The following LRRC46 variants were observed in gnomAD, a reference collection of about 807,000 sequenced individuals.
LRRC46 encodes leucine rich repeat containing 46.
A neutral mutation model predicts 28.0 loss-of-function variants in LRRC46; 20 were observed. That is an observed-to-expected ratio of 0.71 (90% CI 0.50 to 1.04). The LOEUF (loss-of-function observed/expected upper bound fraction) is 1.04. LRRC46 is among the 50% of genes least tolerant of loss of function. The pLI is 0.00. For synonymous variants in LRRC46, 156 were observed against 158.8 expected (o/e 0.98, Z 0.13); for missense variants, 315 against 390.1 (o/e 0.81, Z 1.62).
chr17:47,836,638 T>TA lies in LRRC46; in HGVS notation c.596-112_596-111insA. 1 of 1,504,710 alleles carries TA rather than the reference T, an allele frequency of 6.6e-7. No individual in the cohort carries two copies. The highest frequency in any genetic ancestry group is 8.9e-7 in the Non-Finnish European group (1 of 1,121,802). 93.2% of individuals were successfully genotyped at this position (1,504,710 alleles called of 1,614,324 possible). On this transcript the variant is annotated intron_variant, in intron 7 of 7. Transcript: ENST00000269025. This position sits in a 1 kb window ranked among gnomAD's most constrained non-coding sequence, Gnocchi z 5.8. ...TCAGTCCTGGGCCCCAGCCTCAGGC[T>TA]CCTTCCCACAAGGGACAAGGGGCCA... is the stretch of plus-strand genomic sequence containing the variant.
Position 47,831,795 on chromosome 17 carries a change from C to G in LRRC46, c.-195C>G. 1.4e-6 allele frequency: 1 copy of G among 709,014 alleles called. No individual in the cohort carries two copies. The highest frequency in any genetic ancestry group is 2.4e-6 in the Non-Finnish European group (1 of 419,336). The allele number at this position is 709,014 out of a possible 1,614,324, so 43.9% of individuals were successfully genotyped here. On this transcript the variant is annotated 5_prime_UTR_variant, in exon 1 of 8. Transcript: ENST00000269025. ...CCCTCCACACCCCTCAAACTCCAGA[C>G]CCTTCACATCAATTTACTGTTTTCT...
intron 3 of LRRC46, chr17:47,834,896 T>TTTG (rs2033676494): frequency 4.4e-6 from 1 of 227,312 alleles, no homozygotes; most frequent in South Asian, 7.9e-5. Flanking sequence ...TTGAAGGCTG[T>TTTG]TTGGTGGTGG....
At chr17:47,833,472 G>A (rs1598043594) in intron 2 of LRRC46, among the ~76,000 whole-genome samples, 2 of 143,520 alleles carry the variant, frequency 1.4e-5, no homozygotes, top group Admixed American at 1.4e-4. Flanking sequence ...TTTTTGAGAC[G>A]GAGTCTCACT....
chr17:47,832,283 T>G, intron 2 of LRRC46, 78 bp downstream of exon 2: 1 of 1,027,436 alleles, frequency 9.7e-7, no homozygotes, highest in Non-Finnish European at 1.4e-6. Flanking sequence ...TGTACTGATT[T>G]GTCAACTGAT....
Position 47,836,568 on chromosome 17 carries a change from AG to A in LRRC46, c.595+97del. The A allele has an allele frequency of 1.9e-6, 3 of 1,541,314 alleles. No individual in the cohort carries two copies. The Admixed American group carries it at 5.8e-5, about 30-fold the overall frequency. The stretch of plus-strand genomic sequence containing the variant: ...GCTAAGGTGGCAGTGGCGTCCGGGG[AG>A]GGGAGCCCCAAGTTCAGATCAACAT... On this transcript the variant is annotated intron_variant, in intron 7 of 7. Coordinates refer to ENST00000269025, the MANE Select transcript of LRRC46 (RefSeq NM_033413.4). This position sits in a 1 kb window ranked among gnomAD's most constrained non-coding sequence, Gnocchi z 5.8.
In LRRC46 at chr17:47,836,553, C is replaced by T; in HGVS notation, c.595+78C>T. ...TGGGACATGAGGGAAGCTAAGGTGG[C>T]AGTGGCGTCCGGGGAGGGGAGCCCC... On this transcript the variant is annotated intron_variant, in intron 7 of 7. Transcript: ENST00000269025. The surrounding 1 kb of genome is among the most constrained non-coding windows in gnomAD (Gnocchi z 5.8). 1 of 1,565,148 alleles carries T rather than the reference C, an allele frequency of 6.4e-7. No homozygotes were observed. The highest frequency in any genetic ancestry group is 1.9e-4 in the Middle Eastern group (1 of 5,224).
At position 47,835,699 on chromosome 17, in the gene LRRC46, G is replaced by A; in HGVS notation, c.306G>A (p.Gln102=). ...FLSLAGNQIR[Q]VENLLDLPCL... is the part of the protein sequence containing the mutation. The stretch of plus-strand genomic sequence containing the variant: ...CTCTGGCAGGAAACCAAATCAGGCA[G>A]GTGGAAAACCTCCTCGACCTCCCAT... The change falls in exon 5 of 8, where the codon CAG becomes CAA. Residue 102 remains glutamine (Q), a synonymous_variant. Coordinates refer to ENST00000269025, the MANE Select transcript of LRRC46 (RefSeq NM_033413.4). 1 of 1,614,204 alleles carries A rather than the reference G, an allele frequency of 6.2e-7. No individual in the cohort carries two copies. Among genetic ancestry groups the A allele is most frequent in the South Asian group, 1.1e-5 (1 of 91,086 alleles).
Position 47,831,938 on chromosome 17 carries a change from C to T in LRRC46, c.-52C>T. On this transcript the variant is annotated 5_prime_UTR_variant, in exon 1 of 8. Coordinates refer to ENST00000269025, the MANE Select transcript of LRRC46 (RefSeq NM_033413.4). ...TGCCATCCTTAGGGGCCGCCAAGAC[C>T]TCTCTTTTCGTTCCTCTCCCGCCTC... is the stretch of plus-strand genomic sequence containing the variant. The T allele has an allele frequency of 6.2e-7, 1 of 1,612,238 alleles. No individual in the cohort carries two copies. Among genetic ancestry groups the T allele is most frequent in the African/African-American group, 1.3e-5 (1 of 74,936 alleles).
At chr17:47,834,669 G>C in intron 3 of LRRC46, 136 bp downstream of exon 3, 1 of 604,590 alleles carries the variant, frequency 1.7e-6, no homozygotes, top group South Asian at 2.1e-5. Context: ...ACCATTCCCA[G>C]ACGAATGACA....
chr17:47,834,371 T>A, intron 2 of LRRC46, 54 bp from the exon 3 acceptor site: 2 of 1,325,458 alleles, frequency 1.5e-6, no homozygotes, highest in Non-Finnish European at 2.1e-6. Context: ...TCCTCCCTGC[T>A]AAGAGACCAC....
At chr17:47,835,228 G>A (rs1388588279) in intron 3 of LRRC46, 125 bp from the exon 4 acceptor site, 3 of 963,176 alleles carry the variant, frequency 3.1e-6, no homozygotes, top group Non-Finnish European at 5.1e-6. Context: ...GGAGTGGGGT[G>A]ATCATTCCCA....
At chr17:47,834,338 C>T in intron 2 of LRRC46, 87 bp from the exon 3 acceptor site, 1 of 986,488 alleles carries the variant, frequency 1.0e-6, no homozygotes, top group Admixed American at 2.3e-5. Flanking sequence ...CTCCTTGAAA[C>T]CCCTTCCCTC....
At chr17:47,835,585 C>G (rs2033684251) in intron 4 of LRRC46, 81 bp from the exon 5 acceptor site, 1 of 1,470,610 alleles carries the variant, frequency 6.8e-7, no homozygotes, top group Admixed American at 1.7e-5. Flanking sequence ...GCCCAGGGGC[C>G]CCGGTGTCAG....
rs1361718698 is a variant in LRRC46 at position 47,836,757 on chromosome 17, C to G, written c.603C>G (p.Leu201=). The change falls in exon 8 of 8, where the codon CTC becomes CTG. Residue 201 remains leucine, a synonymous_variant. Coordinates refer to ENST00000269025, the MANE Select transcript of LRRC46 (RefSeq NM_033413.4). The surrounding 1 kb of genome is among the most constrained non-coding windows in gnomAD (Gnocchi z 5.8). ...ACCCCCGGCCCCTCCCAGGCTTCCT[C>G]AAGGAGCTGGAGCAGGAGCTGAGCA... is the stretch of plus-strand genomic sequence containing the variant. The part of the protein sequence containing the change: ...SGPFCSERGF[L]KELEQELSRH... 2.5e-6 allele frequency: 4 copies of G among 1,612,754 alleles called. No homozygotes were observed. In the Admixed American group the frequency reaches 5.0e-5, roughly 20 times the overall value.
chr17:47,837,285 C>A lies in LRRC46; in HGVS notation c.*165C>A. The A allele has an allele frequency of 1.1e-6, 1 of 938,904 alleles. No homozygotes were observed. The allele number at this position is 938,904 out of a possible 1,614,324, so 58.2% of individuals were successfully genotyped here. On this transcript the variant is annotated 3_prime_UTR_variant, in exon 8 of 8. Coordinates refer to ENST00000269025, the MANE Select transcript of LRRC46 (RefSeq NM_033413.4). Reference sequence around the variant, plus strand: ...CAGGGGAAGAAACCAGTGAAAGCTCCAGGAAACAAAATACAGAGCTCAGTG... The same window carrying A: ...CAGGGGAAGAAACCAGTGAAAGCTCAAGGAAACAAAATACAGAGCTCAGTG...
intron 4 of LRRC46, 122 bp from the exon 5 acceptor site, chr17:47,835,544 C>T: frequency 2.2e-6 from 3 of 1,337,094 alleles, no homozygotes; most frequent in Non-Finnish European, 3.2e-6. Context: ...CCCCAGAAGG[C>T]CATGTGTCCC....
At chr17:47,834,068 A>G in intron 2 of LRRC46, 1 of 1,007,864 alleles carries the variant, frequency 9.9e-7, no homozygotes, top group Non-Finnish European at 1.2e-6. Context: ...ATCTTTCTGC[A>G]GTGTCTCATC....
intron 5 of LRRC46, 100 bp downstream of exon 5, chr17:47,835,875 C>G: frequency 1.5e-6 from 2 of 1,316,634 alleles, no homozygotes. Flanking sequence ...CATGCCCCTG[C>G]AGGTCCACAT....
At position 47,833,115 on chromosome 17, in the gene LRRC46, C is replaced by T. The variant is rs577969660; in HGVS notation, c.116+910C>T. Among the ~76,000 whole-genome samples the T allele has an allele frequency of 1.6e-4, 24 of 152,278 alleles. No individual in the cohort carries two copies. The East Asian group carries it at 2.9e-3, about 18-fold the overall frequency. ...AATCTGCATGGGCATATTGGAGTTT[C>T]GGAAGGGCTGTATTAGCATGTACTA... On this transcript the variant is annotated intron_variant, in intron 2 of 7. Transcript: ENST00000269025.
Sources: gnomAD v4.1 joint callset for allele counts (sites outside exome capture counted in the v4.1 genomes callset) on GRCh38, gnomAD v4.1.1 for gene constraint, Gnocchi (gnomAD v3.1) non-coding constraint, MANE v1.5 for transcripts, NCBI Gene and HGNC (gene_info 2026-07-23, HGNC 2026-07-21) for gene names.